Variants in SNTG1 observed in about 807,000 individuals in gnomAD.
The protein encoded by SNTG1 is syntrophin gamma 1.
In SNTG1, 39 loss-of-function variants were observed where a neutral mutation model predicts 74.7. The ratio of observed to expected loss-of-function variants is 0.52; its 90% confidence interval spans 0.40 to 0.68. The LOEUF (loss-of-function observed/expected upper bound fraction) is 0.68. Ranked by LOEUF, SNTG1 falls within the 30% of genes least tolerant of loss-of-function variation. The pLI, the probability that SNTG1 is intolerant of heterozygous loss-of-function variation, is 0.00. For synonymous variants in SNTG1, 254 were observed against 217.1 expected (o/e 1.17, Z -1.49); for missense variants, 685 against 609.5 (o/e 1.12, Z -1.30).
At chr8:50,780,774 T>C (rs1235809789) in intron 18 of SNTG1, among the ~76,000 whole-genome samples, 1 of 152,222 alleles carries the variant, frequency 6.6e-6, no homozygotes, top group African/African-American at 2.4e-5. Flanking sequence ...CTTGTTTTTC[T>C]AGTTCTTTTA....
chr8:50,458,837 C>T (rs545093897), intron 8 of SNTG1, among the ~76,000 whole-genome samples: 10 of 152,186 alleles, frequency 6.6e-5, no homozygotes, highest in South Asian at 4.1e-4. Flanking sequence ...ATATACAATT[C>T]GCAAATATTT....
At chr8:50,171,464 A>C (rs2082805232) in intron 1 of SNTG1, among the ~76,000 whole-genome samples, 2 of 152,070 alleles carry the variant, frequency 1.3e-5, no homozygotes, top group African/African-American at 4.8e-5. Context: ...CCTGCTTTAT[A>C]TCCTGGCAAA....
rs562864382 is a variant in SNTG1, at chr8:50,428,233, CCAAGAATT to C, written c.163-10305_163-10298del. On this transcript the variant is annotated intron_variant, in intron 4 of 18. Coordinates refer to ENST00000642720, the MANE Select transcript of SNTG1 (RefSeq NM_018967.5). ...GCTGATGCAGAAGGATCTCTTTAGCCCAAGAATTCAAGGTTACAATGAGTTATAATGAA... is the reference window on the plus strand; with the variant it reads ...GCTGATGCAGAAGGATCTCTTTAGCCCAAGGTTACAATGAGTTATAATGAA... Among the ~76,000 whole-genome samples the C allele has an allele frequency of 3.5e-3, 527 of 152,172 alleles. 3 individuals are homozygous for C. The highest frequency in any genetic ancestry group is 0.012 in the African/African-American group (507 of 41,524).
chr8:50,149,794 A>G (rs1377611794), intron 1 of SNTG1, among the ~76,000 whole-genome samples: 1 of 152,194 alleles, frequency 6.6e-6, no homozygotes, highest in African/African-American at 2.4e-5. Flanking sequence ...TGGTCACTGT[A>G]GCCTTGCAGT....
chr8:50,713,123 A>G (rs1436144110), intron 17 of SNTG1, among the ~76,000 whole-genome samples: 6 of 152,146 alleles, frequency 3.9e-5, no homozygotes, highest in African/African-American at 1.4e-4. Context: ...CACCAACAGT[A>G]TAAAAGTATT....
chr8:50,035,556 C>A (rs1423473043), intron 1 of SNTG1, among the ~76,000 whole-genome samples: 1 of 152,156 alleles, frequency 6.6e-6, no homozygotes, highest in African/African-American at 2.4e-5. Context: ...TTAAACTTCT[C>A]ACCTTAGTGT....
intron 2 of SNTG1, among the ~76,000 whole-genome samples, chr8:50,336,066 T>C (rs955096335): frequency 6.6e-6 from 1 of 152,128 alleles, no homozygotes; most frequent in Non-Finnish European, 1.5e-5. Context: ...AAGGGTGAGA[T>C]GAATTAAGTA....
chr8:50,331,998 A>C (rs2090983996), intron 2 of SNTG1, among the ~76,000 whole-genome samples: 1 of 152,230 alleles, frequency 6.6e-6, no homozygotes, highest in African/African-American at 2.4e-5. Context: ...TAGTATCAGC[A>C]AATGGAATCA....
chr8:50,595,804 A>G (rs1256400244), intron 13 of SNTG1, among the ~76,000 whole-genome samples: 1 of 151,982 alleles, frequency 6.6e-6, no homozygotes, highest in African/African-American at 2.4e-5. Flanking sequence ...GCATCAATCC[A>G]TCATTCTTTC....
chr8:49,935,523 CAAAAAAA>C (rs59390567), intron 1 of SNTG1, among the ~76,000 whole-genome samples: 64 of 75,656 alleles, frequency 8.5e-4, no homozygotes, highest in South Asian at 3.3e-3. Context: ...AGATGTAAAC[CAAAAAAA>C]AAAAAAAAAG....
intron 2 of SNTG1, among the ~76,000 whole-genome samples, chr8:50,270,880 G>T (rs968721665): frequency 6.6e-6 from 1 of 152,154 alleles, no homozygotes; most frequent in Non-Finnish European, 1.5e-5. Flanking sequence ...CAGCCACACC[G>T]TGTGAATTAT....
At chr8:50,391,465 C>T (rs761342416) in intron 2 of SNTG1, among the ~76,000 whole-genome samples, 68 of 152,086 alleles carry the variant, frequency 4.5e-4, no homozygotes, top group Non-Finnish European at 9.1e-4. Context: ...CTGCTGGATT[C>T]AATTTGCCAG....
At chr8:50,585,164 A>G (rs991063410) in intron 12 of SNTG1, among the ~76,000 whole-genome samples, 21 of 152,192 alleles carry the variant, frequency 1.4e-4, no homozygotes, top group African/African-American at 4.8e-4. Context: ...AATATAATTT[A>G]TGAATTTATC....
intron 8 of SNTG1, among the ~76,000 whole-genome samples, chr8:50,482,330 G>T (rs1160581595): frequency 1.3e-5 from 2 of 152,138 alleles, no homozygotes; most frequent in Non-Finnish European, 2.9e-5. Context: ...GACTTCAAAG[G>T]CATGTGGGGC....
At chr8:50,021,138 G>A (rs1816777940) in intron 1 of SNTG1, among the ~76,000 whole-genome samples, 2 of 152,122 alleles carry the variant, frequency 1.3e-5, no homozygotes, top group Admixed American at 1.3e-4. Flanking sequence ...TTCTGTGGGT[G>A]TTCACCAGAG....
chr8:50,501,425 GTTT>G (rs59123896), intron 8 of SNTG1, among the ~76,000 whole-genome samples: 982 of 56,580 alleles, frequency 0.017, 9 homozygotes, highest in African/African-American at 0.036. Context: ...GAGCCTGTGC[GTTT>G]TTTTTTTTTT....
intron 12 of SNTG1, among the ~76,000 whole-genome samples, chr8:50,564,548 G>A (rs796429528): frequency 6.6e-5 from 10 of 152,084 alleles, no homozygotes; most frequent in African/African-American, 2.4e-4. Flanking sequence ...AATACTCAAA[G>A]GGATGAAAGC....
chr8:49,912,647 A>T (rs561623553), intron 1 of SNTG1, among the ~76,000 whole-genome samples: 154 of 152,216 alleles, frequency 1.0e-3, no homozygotes, highest in Non-Finnish European at 1.9e-3. Flanking sequence ...AACATATTTT[A>T]TATTGTTATA....
intron 13 of SNTG1, among the ~76,000 whole-genome samples, chr8:50,646,228 T>C (rs1167766960): frequency 6.6e-6 from 1 of 152,202 alleles, no homozygotes; most frequent in Non-Finnish European, 1.5e-5. Context: ...TACCGGCTGT[T>C]GGAATTATAA....
Sources: allele counts gnomAD v4.1 joint callset (sites outside exome capture counted in the v4.1 genomes callset), GRCh38; gene constraint gnomAD v4.1.1; transcripts MANE v1.5; gene names NCBI Gene and HGNC (gene_info 2026-07-23, HGNC 2026-07-21).